The following HSD17B6 variants were observed in gnomAD, a reference collection of about 807,000 sequenced individuals.
The protein encoded by HSD17B6 is hydroxysteroid 17-beta dehydrogenase 6.
HSD17B6 carries 16 observed loss-of-function variants against 26.4 expected under a neutral mutation model. That is an observed-to-expected ratio of 0.61 (90% CI 0.41 to 0.92). The LOEUF (loss-of-function observed/expected upper bound fraction) is 0.92. Among genes scored for constraint, HSD17B6 ranks in the 40% least tolerant of loss-of-function variants. HSD17B6 has a pLI of 0.00. For missense variants in HSD17B6, 357 were observed against 386.1 expected, an observed-to-expected ratio of 0.92 and a Z score of 0.63; for synonymous variants, 139 against 153.0, an observed-to-expected ratio of 0.91 and a Z score of 0.68.
At position 56,787,624 on chromosome 12, in the gene HSD17B6, A is replaced by G; in HGVS notation, c.*282A>G. The G allele has an allele frequency of 2.8e-6, 1 of 353,322 alleles. No individual in the cohort carries two copies. The highest frequency in any genetic ancestry group is 3.8e-5 in the South Asian group (1 of 26,330). The allele number at this position is 353,322 out of a possible 1,614,324, so 21.9% of individuals were successfully genotyped here. A position where few individuals can be genotyped will look rare whatever the true frequency, so the allele number is the denominator to read the frequency against. On this transcript the variant is annotated 3_prime_UTR_variant, in exon 5 of 5. Transcript: ENST00000322165. The stretch of plus-strand genomic sequence containing the variant: ...TATTAAACAGAGTAGATGGAAAACA[A>G]TTTAACCTATTTTGAAGTCATTTCT...
chr12:56,769,103 GTTT>G (rs35174136), intron 1 of HSD17B6, among the ~76,000 whole-genome samples: 2 of 130,028 alleles, frequency 1.5e-5, no homozygotes, highest in Admixed American at 8.0e-5. Context: ...GCTTTTCAAG[GTTT>G]TTTTTTTTTT....
In HSD17B6 at chr12:56,787,133, A is replaced by G. The variant is rs146253468; in HGVS notation, c.745A>G (p.Ile249Val). Residue 249 changes from isoleucine (I) to valine (V), a missense_variant, in exon 5 of 5, where the codon ATC becomes GTC. By Grantham distance (29) the Ile-to-Val change is conservative. Coordinates refer to ENST00000322165, the MANE Select transcript of HSD17B6 (RefSeq NM_003725.4). ...TCTTTTTTTGTATACAGTTTACAAT[A>G]TCATGAAGGAAGGGCTGTTGAATTG... is the stretch of plus-strand genomic sequence containing the variant. ...GQQYFDALYN[I>V]MKEGLLNCST... 2,205 of 1,612,318 alleles carry G rather than the reference A, an allele frequency of 1.4e-3. 2 individuals carry two copies. The highest frequency in any genetic ancestry group is 1.8e-3 in the Non-Finnish European group (2,129 of 1,178,318).
intron 1 of HSD17B6, among the ~76,000 whole-genome samples, chr12:56,766,902 T>C (rs1457982690): frequency 1.3e-5 from 2 of 152,052 alleles, no homozygotes; most frequent in Non-Finnish European, 2.9e-5. Flanking sequence ...GTGCTTCAAA[T>C]TGGGTAGTCA....
chr12:56,784,176 G>A (rs1019227196), intron 3 of HSD17B6, among the ~76,000 whole-genome samples: 4 of 150,456 alleles, frequency 2.7e-5, no homozygotes, highest in South Asian at 2.1e-4. Context: ...GGGCAGAGAC[G>A]CTCCTCACTT....
rs141210914 is a variant in HSD17B6, at chr12:56,774,155, G to C, written c.303G>C (p.Val101=). The change falls in exon 2 of 5, where the codon GTG becomes GTC. Residue 101 remains valine, a synonymous_variant. Transcript: ENST00000322165. The part of the protein sequence containing the change: ...AAATQWVKEH[V]GDRGLWGLVN... ...CTACTCAGTGGGTGAAGGAGCATGT[G>C]GGGGACAGAGGTATGAAATATTTTC... 5 of 1,549,536 alleles carry C rather than the reference G, an allele frequency of 3.2e-6. No individual in the cohort carries two copies. The African/African-American group carries it at 5.5e-5, about 17-fold the overall frequency.
chr12:56,787,484 TAACATGTTTATATTTCAGATATCCA>T lies in HSD17B6; in HGVS notation c.*145_*169del. 1.6e-6 allele frequency: 1 copy of T among 618,782 alleles called. No homozygotes were observed. Among genetic ancestry groups the T allele is most frequent in the East Asian group, 2.7e-5 (1 of 36,466 alleles). The allele number at this position is 618,782 out of a possible 1,614,324, so 38.3% of individuals were successfully genotyped here. A position where few individuals can be genotyped will look rare whatever the true frequency, so the allele number is the denominator to read the frequency against. Reference sequence around the variant, plus strand: ...CATTTATCTGGCATCATCAGAGTACTAACATGTTTATATTTCAGATATCCAAAGCTTACCACTTTAGGTGATGAAT... The same window carrying T: ...CATTTATCTGGCATCATCAGAGTACTAAGCTTACCACTTTAGGTGATGAAT... On this transcript the variant is annotated 3_prime_UTR_variant, in exon 5 of 5. Coordinates refer to ENST00000322165, the MANE Select transcript of HSD17B6 (RefSeq NM_003725.4).
At chr12:56,767,320 G>A (rs2137894701) in intron 1 of HSD17B6, among the ~76,000 whole-genome samples, 1 of 151,566 alleles carries the variant, frequency 6.6e-6, no homozygotes, top group South Asian at 2.1e-4. Context: ...AGACCATCCT[G>A]CCTAACACGG....
chr12:56,775,044 A>G (rs555661921), intron 2 of HSD17B6, among the ~76,000 whole-genome samples: 1 of 152,312 alleles, frequency 6.6e-6, no homozygotes. Context: ...TTCTATCCAC[A>G]ATTGATTGAA....
At chr12:56,767,645 T>C (rs925722151) in intron 1 of HSD17B6, among the ~76,000 whole-genome samples, 1 of 141,170 alleles carries the variant, frequency 7.1e-6, no homozygotes, top group Non-Finnish European at 1.5e-5. Flanking sequence ...TATTAATATA[T>C]TATATATATT....
intron 3 of HSD17B6, among the ~76,000 whole-genome samples, chr12:56,784,404 C>T (rs923745610): frequency 4.6e-5 from 7 of 152,158 alleles, no homozygotes; most frequent in Admixed American, 1.3e-4. Context: ...ACTGAGTGAA[C>T]GAGACTCCGT....
intron 1 of HSD17B6, among the ~76,000 whole-genome samples, chr12:56,764,903 C>A (rs369555620): frequency 1.3e-3 from 200 of 152,218 alleles, no homozygotes; most frequent in African/African-American, 4.6e-3. Flanking sequence ...CAGCTCATTG[C>A]GGCCTCTGCC....
At chr12:56,776,766 C>T (rs558240567) in intron 2 of HSD17B6, among the ~76,000 whole-genome samples, 1 of 152,310 alleles carries the variant, frequency 6.6e-6, no homozygotes, top group Middle Eastern at 3.4e-3. Flanking sequence ...ATCCTCTTGC[C>T]TCAGCCTCCC....
intron 1 of HSD17B6, among the ~76,000 whole-genome samples, chr12:56,772,153 C>G (rs541505239): frequency 6.6e-6 from 1 of 152,184 alleles, no homozygotes; most frequent in South Asian, 2.1e-4. Context: ...ATTTTATTCT[C>G]TCTAGGAAGC....
At chr12:56,764,722 A>C (rs957056939) in intron 1 of HSD17B6, among the ~76,000 whole-genome samples, 9 of 152,240 alleles carry the variant, frequency 5.9e-5, no homozygotes, top group African/African-American at 1.9e-4. Flanking sequence ...GCACACAGGA[A>C]CAGAGGCCAG....
chr12:56,785,942 A>C (rs575152381), intron 4 of HSD17B6: 83 of 985,070 alleles, frequency 8.4e-5, no homozygotes, highest in Non-Finnish European at 9.3e-5. Flanking sequence ...TCAATTTCCT[A>C]TAAGAATATT....
intron 2 of HSD17B6, among the ~76,000 whole-genome samples, 193 bp from the exon 3 acceptor site, chr12:56,781,781 G>A (rs112309447): frequency 2.9e-4 from 44 of 152,244 alleles, no homozygotes; most frequent in African/African-American, 9.6e-4. Flanking sequence ...CCAGCCTGGC[G>A]ATAGGGCGAG....
chr12:56,782,634 T>G (rs1351588489), intron 3 of HSD17B6, among the ~76,000 whole-genome samples: 1 of 151,810 alleles, frequency 6.6e-6, no homozygotes, highest in African/African-American at 2.4e-5. Flanking sequence ...GCTGGGACTA[T>G]GGGTGCACGC....
intron 1 of HSD17B6, among the ~76,000 whole-genome samples, chr12:56,765,429 C>A (rs757515783): frequency 6.6e-6 from 1 of 151,986 alleles, no homozygotes; most frequent in Non-Finnish European, 1.5e-5. Context: ...AGCAAGATTC[C>A]GTCTCAAAAC....
chr12:56,779,891 A>C lies in HSD17B6; in HGVS notation c.314-2083A>C, dbSNP rs1321972012. Among the ~76,000 whole-genome samples the C allele has an allele frequency of 2.6e-5, 4 of 151,610 alleles. No individual in the cohort carries two copies. The South Asian group carries it at 6.3e-4, about 24-fold the overall frequency. Reference sequence around the variant, plus strand: ...CCGAATATATGCCTAAGAATTATAGAAGATGCTGGGGCAAAATCTTTTTTT... The same window carrying C: ...CCGAATATATGCCTAAGAATTATAGCAGATGCTGGGGCAAAATCTTTTTTT... On this transcript the variant is annotated intron_variant, in intron 2 of 4. Coordinates refer to ENST00000322165, the MANE Select transcript of HSD17B6 (RefSeq NM_003725.4).
Sources: allele counts gnomAD v4.1 joint callset (sites outside exome capture counted in the v4.1 genomes callset), GRCh38; gene constraint gnomAD v4.1.1; transcripts MANE v1.5; gene names NCBI Gene and HGNC (gene_info 2026-07-23, HGNC 2026-07-21).